The following RASEF variants were observed in gnomAD, a reference collection of about 807,000 sequenced individuals.
The protein encoded by RASEF is ras and EF-hand domain-containing protein.
Under a neutral mutation model 90.1 loss-of-function variants are expected in RASEF, and 68 were observed. The ratio of observed to expected loss-of-function variants is 0.75; its 90% CI spans 0.62 to 0.92. The LOEUF is 0.92. Among genes scored for constraint, RASEF ranks in the 40% least tolerant of loss-of-function variants. RASEF has a pLI of 0.00. For synonymous variants in RASEF, 331 were observed against 345.2 expected, an observed-to-expected ratio of 0.96 and a Z score of 0.46; for missense variants, 949 against 937.2, an observed-to-expected ratio of 1.01 and a Z score of -0.16.
At chr9:83,198,092 G>T in the RASEF span, among the ~76,000 whole-genome samples, 1 of 152,092 alleles carries the variant, frequency 6.6e-6, no homozygotes, top group Non-Finnish European at 1.5e-5. Flanking sequence ...TAACTTACTG[G>T]ATGATTTTAT....
the RASEF span, among the ~76,000 whole-genome samples, chr9:83,098,999 A>T: frequency 3.9e-5 from 6 of 152,308 alleles, no homozygotes; most frequent in East Asian, 9.6e-4. Context: ...AGGATCTGAG[A>T]ATAGTGGCTT....
chr9:83,181,320 A>G, the RASEF span, among the ~76,000 whole-genome samples: 1 of 152,034 alleles, frequency 6.6e-6, no homozygotes, highest in Non-Finnish European at 1.5e-5. Context: ...CAGGAGATAA[A>G]CCAGTATCAT....
At chr9:83,181,938 C>T in the RASEF span, among the ~76,000 whole-genome samples, 24 of 152,170 alleles carry the variant, frequency 1.6e-4, no homozygotes. Context: ...TGCTTTTCTG[C>T]ATTGATCCAC....
the RASEF span, among the ~76,000 whole-genome samples, chr9:83,106,957 A>G: frequency 6.6e-6 from 1 of 152,186 alleles, no homozygotes; most frequent in Non-Finnish European, 1.5e-5. Flanking sequence ...CATGAACATT[A>G]TCCATGTTCT....
the RASEF span, among the ~76,000 whole-genome samples, chr9:83,127,710 G>A: frequency 2.0e-5 from 3 of 152,134 alleles, no homozygotes; most frequent in African/African-American, 7.2e-5. Context: ...TCCTTGGGTG[G>A]GACAGGCAAT....
At chr9:83,141,601 C>G in the RASEF span, among the ~76,000 whole-genome samples, 1 of 152,162 alleles carries the variant, frequency 6.6e-6, no homozygotes, top group Non-Finnish European at 1.5e-5. Context: ...GCGTTCTTGT[C>G]CGGGGCTGCT....
chr9:82,999,984 G>GACACACACACACAC (rs55873985), intron 12 of RASEF, among the ~76,000 whole-genome samples, 185 bp downstream of exon 12: 4 of 141,024 alleles, frequency 2.8e-5, no homozygotes, highest in East Asian at 2.1e-4. Flanking sequence ...TAGACTAGGA[G>GACACACACACACAC]ACACACACAC....
the RASEF span, among the ~76,000 whole-genome samples, chr9:83,138,773 C>G: frequency 3.3e-5 from 5 of 152,102 alleles, no homozygotes; most frequent in African/African-American, 1.2e-4. Flanking sequence ...TTTAAGATGT[C>G]ACCTGCTATA....
the RASEF span, among the ~76,000 whole-genome samples, chr9:83,185,246 C>A: frequency 6.6e-6 from 1 of 151,738 alleles, no homozygotes; most frequent in Non-Finnish European, 1.5e-5. Context: ...CTTAATAGAG[C>A]CAACACTGTG....
the RASEF span, among the ~76,000 whole-genome samples, chr9:83,139,746 A>T: frequency 2.0e-5 from 3 of 152,284 alleles, no homozygotes; most frequent in South Asian, 6.2e-4. Context: ...TAGAGCAGAA[A>T]ATGTATTTTT....
intron 8 of RASEF, 126 bp from the exon 9 acceptor site, chr9:83,004,712 A>T: frequency 1.6e-6 from 1 of 622,482 alleles, no homozygotes; most frequent in South Asian, 2.0e-5. Flanking sequence ...TAATGTAACT[A>T]AAAGTTTGTT....
chr9:82,992,078 T>C (rs1376626246), intron 15 of RASEF, among the ~76,000 whole-genome samples: 1 of 152,258 alleles, frequency 6.6e-6, no homozygotes, highest in Non-Finnish European at 1.5e-5. Flanking sequence ...TTCTAAATTT[T>C]AAAACAAGAA....
Position 82,982,361 on chromosome 9 carries a change from C to T in RASEF, c.*316G>A, listed in dbSNP as rs1254253947. On this transcript the variant is annotated 3_prime_UTR_variant, in exon 17 of 17. Coordinates refer to ENST00000376447, the MANE Select transcript of RASEF (RefSeq NM_152573.4). ...ATGAATCTAATTATGTCAGTTTCCTCTACAGCTTTGATCTGAGCATGTGAT... is the reference window on the plus strand; with the variant it reads ...ATGAATCTAATTATGTCAGTTTCCTTTACAGCTTTGATCTGAGCATGTGAT... 2 of 174,688 alleles carry T rather than the reference C, an allele frequency of 1.1e-5. No homozygotes were observed. Among genetic ancestry groups the T allele is most frequent in the Non-Finnish European group, 2.4e-5 (2 of 82,786 alleles). 10.8% of individuals were successfully genotyped at this position (174,688 alleles called of 1,614,324 possible).
At chr9:83,133,279 C>T in the RASEF span, among the ~76,000 whole-genome samples, 1 of 152,134 alleles carries the variant, frequency 6.6e-6, no homozygotes, top group African/African-American at 2.4e-5. Context: ...AGGAAAAGGA[C>T]TCCAACACTA....
the RASEF span, among the ~76,000 whole-genome samples, chr9:83,134,972 G>C: frequency 2.0e-5 from 3 of 152,122 alleles, no homozygotes; most frequent in Non-Finnish European, 1.5e-5. Context: ...TATGCTAAGT[G>C]AAAGAAGACA....
At chr9:83,135,498 AAAAT>A in the RASEF span, among the ~76,000 whole-genome samples, 21 of 152,310 alleles carry the variant, frequency 1.4e-4, no homozygotes, top group African/African-American at 1.9e-4. Context: ...TATAATTTAA[AAAAT>A]AAATAAATAA....
At chr9:83,193,641 A>G in the RASEF span, among the ~76,000 whole-genome samples, 1 of 152,376 alleles carries the variant, frequency 6.6e-6, no homozygotes, top group South Asian at 2.1e-4. Context: ...ATGGAGATAC[A>G]TATTAATATC....
In RASEF at chr9:83,052,908, A is replaced by G. The variant is rs367943713; in HGVS notation, c.431+9529T>C. On this transcript the variant is annotated intron_variant, in intron 1 of 16. Coordinates refer to ENST00000376447, the MANE Select transcript of RASEF (RefSeq NM_152573.4). ...GTTTGATTGCACTGTGGTCAAAGAG[A>G]TAGTTTGTTATAATTTCTGTTCTTT... Among the ~76,000 whole-genome samples, 26 of 148,974 alleles carry G rather than the reference A, an allele frequency of 1.7e-4. No homozygotes were observed. The East Asian group carries it at 4.3e-3, about 25-fold the overall frequency.
At chr9:83,160,671 G>A in the RASEF span, among the ~76,000 whole-genome samples, 2 of 152,216 alleles carry the variant, frequency 1.3e-5, no homozygotes, top group South Asian at 4.1e-4. Context: ...GGAGCCAAAT[G>A]TTAGTCCCCA....
Sources: allele counts gnomAD v4.1 joint callset (sites outside exome capture counted in the v4.1 genomes callset), GRCh38; gene constraint gnomAD v4.1.1; transcripts MANE v1.5; gene names NCBI Gene and HGNC (gene_info 2026-07-23, HGNC 2026-07-21).